CFAP92: variants seen among roughly 807,000 people sequenced by gnomAD.
The protein encoded by CFAP92 is uncharacterized protein CFAP92.
In CFAP92, 86 loss-of-function variants were observed where a neutral mutation model predicts 106.3. The ratio of observed to expected loss-of-function variants is 0.81; its 90% CI spans 0.68 to 0.97. CFAP92 has a LOEUF of 0.97. Ranked by LOEUF, CFAP92 falls within the 50% of genes least tolerant of loss-of-function variation. The pLI is 0.00. For missense variants in CFAP92, 1,204 were observed against 1,283.8 expected, an observed-to-expected ratio of 0.94 and a Z score of 0.95; for synonymous variants, 477 against 506.4, an observed-to-expected ratio of 0.94 and a Z score of 0.78.
intron 12 of CFAP92, among the ~76,000 whole-genome samples, chr3:128,921,761 G>C (rs1292946083): frequency 2.6e-5 from 4 of 152,168 alleles, no homozygotes; most frequent in Non-Finnish European, 5.9e-5. Flanking sequence ...CGGGAAATGG[G>C]AAGAGGGGCC....
intron 10 of CFAP92, among the ~76,000 whole-genome samples, chr3:128,937,576 C>T (rs1490741973): frequency 6.6e-6 from 1 of 150,556 alleles, no homozygotes; most frequent in African/African-American, 2.5e-5. Context: ...AGCACTCCAG[C>T]TTGGGCGACA....
chr3:128,943,479 G>A (rs1939865539), intron 10 of CFAP92, among the ~76,000 whole-genome samples: 1 of 152,000 alleles, frequency 6.6e-6, no homozygotes, highest in Non-Finnish European at 1.5e-5. Flanking sequence ...TTTGTGTCTG[G>A]CTTCTTTGAC....
rs776058865 is a variant in CFAP92 at position 128,975,744 on chromosome 3, AT to A, written c.1021+34del. 4.1e-6 allele frequency: 6 copies of A among 1,455,050 alleles called. No homozygotes were observed. In the East Asian group the frequency reaches 1.2e-4, roughly 29 times the overall value. 90.1% of individuals were successfully genotyped at this position (1,455,050 alleles called of 1,614,324 possible). The stretch of plus-strand genomic sequence containing the variant: ...TTTCATAATTATTCCAAGTCTAGTT[AT>A]ATTATAAAATTCCCAAATCCTATCC... On this transcript the variant is annotated intron_variant, in intron 7 of 15. Transcript: ENST00000645291.
At chr3:128,998,095 C>G (rs527705189), upstream of CFAP92, among the ~76,000 whole-genome samples, 13 of 152,304 alleles carry the variant, frequency 8.5e-5, no homozygotes, top group African/African-American at 3.1e-4. Context: ...TATACAACTT[C>G]TTTGGTGAAA....
At chr3:129,019,359 G>C in the CFAP92 span, among the ~76,000 whole-genome samples, 1 of 152,218 alleles carries the variant, frequency 6.6e-6, no homozygotes, top group African/African-American at 2.4e-5. Context: ...TTTAGCGAGG[G>C]CTGGCTACCT....
intron 10 of CFAP92, among the ~76,000 whole-genome samples, chr3:128,938,645 C>A (rs1051957981): frequency 6.6e-6 from 1 of 151,944 alleles, no homozygotes; most frequent in Admixed American, 6.6e-5. Context: ...AGGCGCCCAC[C>A]ACCACGCCCG....
Position 128,932,806 on chromosome 3 carries a change from C to T in CFAP92, c.2645G>A (p.Arg882Gln), listed in dbSNP as rs754077147. ...GATCTCTAAGGTGAGGGTGGAGTTC[C>T]GACTGTGGTAGTCCTCAAGATTGGG... The part of the protein sequence containing the change: ...PAPNLEDYHS[R>Q]NSTLTLEIHA... Residue 882 changes from arginine to glutamine, a missense_variant, in exon 12 of 16, where the codon CGG (arginine) becomes CAG (glutamine). Transcript: ENST00000645291. 4.0e-5 allele frequency: 62 copies of T among 1,536,074 alleles called. No individual in the cohort carries two copies. Among genetic ancestry groups the T allele is most frequent in the South Asian group, 2.1e-4 (18 of 84,062 alleles).
intron 9 of CFAP92, among the ~76,000 whole-genome samples, chr3:128,958,887 T>G (rs1034157053): frequency 1.7e-4 from 25 of 149,116 alleles, no homozygotes; most frequent in African/African-American, 6.3e-4. Context: ...GGCAGTGGAG[T>G]GAGACCCTGT....
intron 12 of CFAP92, among the ~76,000 whole-genome samples, chr3:128,923,263 T>A (rs980775868): frequency 6.6e-6 from 1 of 152,160 alleles, no homozygotes; most frequent in African/African-American, 2.4e-5. Context: ...CATGGGCCAG[T>A]TGAATCTGAA....
Position 128,988,771 on chromosome 3 carries a change from A to G in CFAP92, c.410T>C (p.Leu137Pro), listed in dbSNP as rs749971320. The G allele has an allele frequency of 1.2e-6, 2 of 1,614,022 alleles. No homozygotes were observed. Among genetic ancestry groups the G allele is most frequent in the Non-Finnish European group, 1.7e-6 (2 of 1,179,902 alleles). Residue 137 changes from leucine (L) to proline (P), a missense_variant, in exon 3 of 16, where the codon CTA (leucine) becomes CCA (proline). Transcript: ENST00000645291. ...DEEPKKVDIL[L>P]FPMVAKVFLE... ...GAATACTTTGGCCACCATTGGAAAT[A>G]GCAATATGTCAACTTTTTTAGGTTC...
chr3:128,981,038 CT>C (rs533356293), intron 4 of CFAP92, among the ~76,000 whole-genome samples: 356 of 139,408 alleles, frequency 2.6e-3, no homozygotes, highest in African/African-American at 2.9e-3. Flanking sequence ...CTTTTTCTTT[CT>C]TTTTTTTTTT....
intron 15 of CFAP92, among the ~76,000 whole-genome samples, chr3:128,912,256 G>T (rs979710816): frequency 6.6e-6 from 1 of 152,184 alleles, no homozygotes; most frequent in African/African-American, 2.4e-5. Context: ...CGGAGCAAGT[G>T]CCGGCTCCAC....
In CFAP92 at chr3:128,945,603, C is replaced by G; in HGVS notation, c.1726G>C (p.Gly576Arg). ...ACGGCCAGATTCAAGTACTTGTGGCCAAGGAGGAGGTCAGCAAAACTGACC... is the reference window on the plus strand; with the variant it reads ...ACGGCCAGATTCAAGTACTTGTGGCGAAGGAGGAGGTCAGCAAAACTGACC... ...AQVSFADLLLGHKYLNLAVPI... is the reference protein window; with the variant it reads ...AQVSFADLLLRHKYLNLAVPI... Residue 576 changes from glycine (G) to arginine (R), a missense_variant, in exon 10 of 16, where the codon GGC becomes CGC. Physicochemically the swap from Gly to Arg is moderately radical, Grantham distance 125 (BLOSUM62 -2). Coordinates refer to ENST00000645291, the MANE Select transcript of CFAP92 (RefSeq NM_001394090.1). 6.5e-7 allele frequency: 1 copy of G among 1,536,070 alleles called. No individual in the cohort carries two copies. The highest frequency in any genetic ancestry group is 8.7e-7 in the Non-Finnish European group (1 of 1,146,916).
At chr3:129,003,763 A>AC, upstream of CFAP92, 2 of 1,369,312 alleles carry the variant, frequency 1.5e-6, no homozygotes, top group Non-Finnish European at 9.4e-7. Flanking sequence ...TGGGGCACTT[A>AC]CCCCCTGCCC....
intron 1 of CFAP92, among the ~76,000 whole-genome samples, chr3:129,000,985 C>T (rs1008283529): frequency 2.0e-5 from 3 of 152,228 alleles, no homozygotes; most frequent in African/African-American, 7.2e-5. Context: ...TATGGTGGCA[C>T]AAGAAGTGGG....
the CFAP92 span, among the ~76,000 whole-genome samples, chr3:129,017,656 A>C: frequency 6.6e-6 from 1 of 152,056 alleles, no homozygotes; most frequent in Non-Finnish European, 1.5e-5. Flanking sequence ...TCCTTCTCAC[A>C]CTTCACATCT....
chr3:128,931,717 GT>G (rs972319596), intron 12 of CFAP92, among the ~76,000 whole-genome samples: 10 of 151,818 alleles, frequency 6.6e-5, no homozygotes, highest in African/African-American at 2.2e-4. Context: ...AAGCTAAAAA[GT>G]TTTTTCCACT....
At chr3:128,976,890 G>C (rs917056489) in intron 6 of CFAP92, 89 bp downstream of exon 6, 1 of 1,020,070 alleles carries the variant, frequency 9.8e-7, no homozygotes, top group African/African-American at 1.6e-5. Flanking sequence ...AGTTTAACTG[G>C]ATTTACTAAA....
upstream of CFAP92, chr3:129,003,877 G>T (rs1318399818): frequency 3.5e-6 from 5 of 1,411,658 alleles, no homozygotes; most frequent in Non-Finnish European, 2.8e-6. Flanking sequence ...TGCGTCAGGC[G>T]CAGGGCGCCC....
Sources: gnomAD v4.1 joint callset for allele counts (sites outside exome capture counted in the v4.1 genomes callset) on GRCh38, gnomAD v4.1.1 for gene constraint, MANE v1.5 for transcripts, NCBI Gene and HGNC (gene_info 2026-07-23, HGNC 2026-07-21) for gene names.